The following AJAP1 variants were observed in gnomAD, a reference collection of about 807,000 sequenced individuals.
AJAP1 encodes the protein adherens junctions associated protein 1.
In AJAP1, 5 loss-of-function variants were observed where a neutral mutation model predicts 35.0. That is an observed-to-expected ratio of 0.14 (90% CI 0.07 to 0.30). The LOEUF (loss-of-function observed/expected upper bound fraction) is 0.30, where lower values mean the gene tolerates loss of function less well. Ranked by LOEUF, AJAP1 falls within the 10% of genes least tolerant of loss-of-function variation. The pLI is 1.00. For synonymous variants in AJAP1, 284 were observed against 249.3 expected (o/e 1.14, Z -1.31); for missense variants, 586 against 571.0 (o/e 1.03, Z -0.27).
intron 1 of AJAP1, among the ~76,000 whole-genome samples, chr1:4,704,302 C>T (rs551343285): frequency 7.0e-6 from 1 of 142,280 alleles, no homozygotes; most frequent in East Asian, 2.2e-4. Context: ...TGCTATCCTT[C>T]CCCCCTCCCC....
chr1:4,739,957 G>T (rs1385751104), intron 2 of AJAP1, among the ~76,000 whole-genome samples: 1 of 152,188 alleles, frequency 6.6e-6, no homozygotes, highest in African/African-American at 2.4e-5. Flanking sequence ...CACCATGGTG[G>T]CCACTCCCCG....
chr1:4,659,563 G>A (rs1035991909), intron 1 of AJAP1, among the ~76,000 whole-genome samples: 4 of 152,158 alleles, frequency 2.6e-5, no homozygotes, highest in Non-Finnish European at 5.9e-5. Flanking sequence ...AGGCTGGAGG[G>A]TGTCCATGTC....
At chr1:4,698,868 G>A (rs1410314337) in intron 1 of AJAP1, among the ~76,000 whole-genome samples, 1 of 152,198 alleles carries the variant, frequency 6.6e-6, no homozygotes, top group Non-Finnish European at 1.5e-5. Flanking sequence ...TGGAATGGAA[G>A]CCCTTGGCTG....
At chr1:4,663,451 G>A (rs1004977068) in intron 1 of AJAP1, among the ~76,000 whole-genome samples, 12 of 152,282 alleles carry the variant, frequency 7.9e-5, no homozygotes, top group Admixed American at 7.2e-4. Context: ...GGATTGTTCG[G>A]CACCAACCAC....
intron 2 of AJAP1, among the ~76,000 whole-genome samples, chr1:4,738,412 C>G (rs757909410): frequency 2.0e-5 from 3 of 152,226 alleles, no homozygotes; most frequent in Non-Finnish European, 2.9e-5. Flanking sequence ...GGGCCTCTCT[C>G]TGAACAAGGG....
chr1:4,695,440 C>T (rs1309672312), intron 1 of AJAP1, among the ~76,000 whole-genome samples: 9 of 152,112 alleles, frequency 5.9e-5, no homozygotes, highest in Non-Finnish European at 1.2e-4. Flanking sequence ...AAGGTGGGCC[C>T]GTGCTTGTGA....
At chr1:4,670,234 C>T (rs1293942764) in intron 1 of AJAP1, among the ~76,000 whole-genome samples, 5 of 152,154 alleles carry the variant, frequency 3.3e-5, no homozygotes. Flanking sequence ...GGCAGCCGGT[C>T]TGTCTTTACT....
chr1:4,733,398 T>G (rs1282210874), intron 2 of AJAP1, among the ~76,000 whole-genome samples: 1 of 150,140 alleles, frequency 6.7e-6, no homozygotes, highest in Non-Finnish European at 1.5e-5. Flanking sequence ...CAACAGAATC[T>G]CATTCGCTTG....
chr1:4,776,463 G>A (rs575100891), intron 5 of AJAP1, among the ~76,000 whole-genome samples: 5 of 152,164 alleles, frequency 3.3e-5, no homozygotes, highest in East Asian at 1.9e-4. Context: ...GCCTGGCTCC[G>A]GGACATCCCC....
chr1:4,747,354 T>A (rs922103344), intron 2 of AJAP1, among the ~76,000 whole-genome samples: 13 of 152,194 alleles, frequency 8.5e-5, no homozygotes, highest in African/African-American at 3.1e-4. Flanking sequence ...ACCCGGCCTC[T>A]GTTGCCTCTC....
intron 1 of AJAP1, among the ~76,000 whole-genome samples, chr1:4,691,240 G>A (rs945312609): frequency 2.0e-5 from 3 of 152,210 alleles, no homozygotes; most frequent in African/African-American, 7.2e-5. Flanking sequence ...GGGGTGTCCA[G>A]CCACCCTCGG....
chr1:4,740,501 G>T (rs1641034889), intron 2 of AJAP1, among the ~76,000 whole-genome samples: 1 of 151,234 alleles, frequency 6.6e-6, no homozygotes, highest in Non-Finnish European at 1.5e-5. Context: ...TTAAAAAGTG[G>T]CTGGCCGGGC....
In AJAP1 at chr1:4,727,746, A is replaced by G. The variant is rs1640699994; in HGVS notation, c.829+15047A>G. On this transcript the variant is annotated intron_variant, in intron 2 of 5. Coordinates refer to ENST00000378191, the MANE Select transcript of AJAP1 (RefSeq NM_018836.4). The stretch of plus-strand genomic sequence containing the variant: ...GCAGTGATGGGACTCTCCCATGTTT[A>G]GTAATTTAAGTCTCCATACTGCTGG... 2.0e-5 allele frequency among the ~76,000 whole-genome samples: 3 copies of G among 152,174 alleles called. No individual in the cohort carries two copies. In the South Asian group the frequency reaches 6.2e-4, roughly 32 times the overall value.
At chr1:4,770,113 C>T (rs569765759) in intron 3 of AJAP1, among the ~76,000 whole-genome samples, 173 bp downstream of exon 3, 1 of 152,226 alleles carries the variant, frequency 6.6e-6, no homozygotes. Flanking sequence ...TGGCCCGGCC[C>T]CTCTCCTGGT....
Position 4,790,746 on chromosome 1 carries a change from C to T in AJAP1, c.*8261C>T, listed in dbSNP as rs545940022. On this transcript the variant is annotated 3_prime_UTR_variant, in exon 6 of 6. Coordinates refer to ENST00000378191, the MANE Select transcript of AJAP1 (RefSeq NM_018836.4). ...AGGTGACACACAGAGGTTCAGCAGACGTCTCAGGATCTGTCATATGTCATG... is the reference window on the plus strand; with the variant it reads ...AGGTGACACACAGAGGTTCAGCAGATGTCTCAGGATCTGTCATATGTCATG... The T allele has an allele frequency of 4.9e-4, 74 of 152,230 alleles. No homozygotes were observed. The highest frequency in any genetic ancestry group is 1.7e-3 in the African/African-American group (70 of 41,538). 9.4% of individuals were successfully genotyped at this position (152,230 alleles called of 1,614,324 possible).
At chr1:4,738,742 A>T (rs1300180613) in intron 2 of AJAP1, among the ~76,000 whole-genome samples, 1 of 152,154 alleles carries the variant, frequency 6.6e-6, no homozygotes, top group Non-Finnish European at 1.5e-5. Flanking sequence ...AGGCTGTGGG[A>T]AGCGGGGAGC....
chr1:4,655,292 C>A lies in AJAP1; in HGVS notation c.-134C>A. On this transcript the variant is annotated 5_prime_UTR_variant, in exon 1 of 6. Coordinates refer to ENST00000378191, the MANE Select transcript of AJAP1 (RefSeq NM_018836.4). The surrounding 1 kb of genome is among the most constrained non-coding windows in gnomAD (Gnocchi z 6.9). ...GCGCTCTGACTCGCTGTGCGCCCCG[C>A]GGCCGGCGGGCGGCGGGAGGCGGCG... 1 of 623,510 alleles carries A rather than the reference C, an allele frequency of 1.6e-6. No homozygotes were observed. The highest frequency in any genetic ancestry group is 2.1e-6 in the Non-Finnish European group (1 of 476,614). The allele number at this position is 623,510 out of a possible 1,614,324, so 38.6% of individuals were successfully genotyped here. A position where few individuals can be genotyped will look rare whatever the true frequency, so the allele number is the denominator to read the frequency against.
rs72857965 is a variant in AJAP1 at position 4,691,621 on chromosome 1, G to A, written c.30-20279G>A. ...CTAACTCCGGGCTCGGGGAACACCC[G>A]GGCAGACACTGGTGCTTGCCATCGG... On this transcript the variant is annotated intron_variant, in intron 1 of 5. Transcript: ENST00000378191. Among the ~76,000 whole-genome samples, 581 of 152,236 alleles carry A rather than the reference G, an allele frequency of 3.8e-3. 3 individuals carry two copies. Among genetic ancestry groups the A allele is most frequent in the African/African-American group, 0.013 (559 of 41,536 alleles).
chr1:4,758,281 C>T (rs1043368742), intron 2 of AJAP1, among the ~76,000 whole-genome samples: 9 of 152,230 alleles, frequency 5.9e-5, no homozygotes, highest in Admixed American at 2.0e-4. Context: ...AGATCCTATA[C>T]GAGCATGAGA....
Sources: gnomAD v4.1 joint callset for allele counts (sites outside exome capture counted in the v4.1 genomes callset) on GRCh38, gnomAD v4.1.1 for gene constraint, Gnocchi (gnomAD v3.1) non-coding constraint, MANE v1.5 for transcripts, NCBI Gene and HGNC (gene_info 2026-07-23, HGNC 2026-07-21) for gene names.